The following ZFP30 variants were observed in gnomAD, a reference collection of about 807,000 sequenced individuals.
ZFP30 encodes ZFP30 zinc finger protein, also known as zinc finger protein 30 homolog.
A neutral mutation model predicts 12.3 loss-of-function variants in ZFP30; 16 were observed. That is an observed-to-expected ratio of 1.30 (90% CI 0.88 to 1.98). The LOEUF (loss-of-function observed/expected upper bound fraction) is 1.98. Among genes scored for constraint, ZFP30 ranks in the 30% most tolerant of loss-of-function variants. The pLI, the probability that ZFP30 is intolerant of heterozygous loss-of-function variation, is 0.00. For missense variants in ZFP30, 560 were observed against 611.2 expected, an observed-to-expected ratio of 0.92 and a Z score of 0.88; for synonymous variants, 172 against 201.0, an observed-to-expected ratio of 0.86 and a Z score of 1.22.
intron 2 of ZFP30, among the ~76,000 whole-genome samples, chr19:37,650,869 C>T (rs1300508248): frequency 2.0e-5 from 3 of 152,002 alleles, no homozygotes; most frequent in Non-Finnish European, 2.9e-5. Flanking sequence ...TCCCGAGTAG[C>T]TGGGATTACA....
rs951396776 is a variant in ZFP30, at chr19:37,643,052, CA to C, written c.235+212del. Reference sequence around the variant, plus strand: ...TGGGCGACAGAGCGAGACTCCGTCTCAAAAAAAAAAAAAAAAAAAGAAAAAA... The same window carrying C: ...TGGGCGACAGAGCGAGACTCCGTCTCAAAAAAAAAAAAAAAAAAGAAAAAA... On this transcript the variant is annotated intron_variant, in intron 5 of 5. Transcript: ENST00000684514. Among the ~76,000 whole-genome samples, 613 of 61,410 alleles carry C rather than the reference CA, an allele frequency of 1.0e-2. 2 individuals carry two copies. Among genetic ancestry groups the C allele is most frequent in the East Asian group, 0.061 (106 of 1,742 alleles). The allele number at this position is 61,410 out of a possible 152,430, so 40.3% of individuals were successfully genotyped here.
chr19:37,651,310 C>G (rs553169903), intron 2 of ZFP30: 1 of 151,944 alleles, frequency 6.6e-6, no homozygotes, highest in Admixed American at 6.6e-5. Context: ...GGCACAGTGG[C>G]TCACACCTGT....
At chr19:37,638,648 C>T (rs73621518) in intron 5 of ZFP30, among the ~76,000 whole-genome samples, 1 of 152,158 alleles carries the variant, frequency 6.6e-6, no homozygotes, top group East Asian at 1.9e-4. Flanking sequence ...TACTATACAA[C>T]AACAAGAATT....
intron 5 of ZFP30, among the ~76,000 whole-genome samples, chr19:37,636,584 T>A (rs1011251857): frequency 1.3e-5 from 2 of 152,172 alleles, no homozygotes; most frequent in South Asian, 4.1e-4. Context: ...ACAGAGCAAA[T>A]ACTTTATCAG....
At position 37,642,031 on chromosome 19, in the gene ZFP30, G is replaced by A. The variant is rs529989282; in HGVS notation, c.235+1234C>T. On this transcript the variant is annotated intron_variant, in intron 5 of 5. Coordinates refer to ENST00000684514, the MANE Select transcript of ZFP30 (RefSeq NM_001320669.3). ...TTGTTGGCAAAGTTACCTCATAGGT[G>A]ATATCGTGCTCTTTCATTAGGAGAA... Among the ~76,000 whole-genome samples, 8 of 152,304 alleles carry A rather than the reference G, an allele frequency of 5.3e-5. No homozygotes were observed. The East Asian group carries it at 1.5e-3, about 29-fold the overall frequency.
chr19:37,647,440 T>A (rs538711231), intron 3 of ZFP30, among the ~76,000 whole-genome samples: 2 of 152,028 alleles, frequency 1.3e-5, no homozygotes, highest in East Asian at 3.9e-4. Flanking sequence ...TTATAAGGGG[T>A]TTCCTCTTTC....
At chr19:37,652,890 G>T (rs1420830073) in intron 2 of ZFP30, among the ~76,000 whole-genome samples, 2 of 152,216 alleles carry the variant, frequency 1.3e-5, no homozygotes, top group Non-Finnish European at 2.9e-5. Context: ...GGCCGAGGCA[G>T]GTGGATCACT....
At chr19:37,654,548 G>A (rs1010657161) in intron 2 of ZFP30, among the ~76,000 whole-genome samples, 164 bp downstream of exon 2, 5 of 151,968 alleles carry the variant, frequency 3.3e-5, no homozygotes, top group Non-Finnish European at 7.3e-5. Context: ...AGCATGAAGT[G>A]GGCACTAACA....
At chr19:37,643,791 T>A (rs1222740049) in intron 4 of ZFP30, among the ~76,000 whole-genome samples, 3 of 152,160 alleles carry the variant, frequency 2.0e-5, no homozygotes, top group Non-Finnish European at 4.4e-5. Flanking sequence ...ATTTTTTTTT[T>A]AAAGAAAAAT....
At chr19:37,646,768 T>C (rs1448734214) in intron 3 of ZFP30, among the ~76,000 whole-genome samples, 1 of 152,084 alleles carries the variant, frequency 6.6e-6, no homozygotes, top group African/African-American at 2.4e-5. Flanking sequence ...TTTTGCTTTG[T>C]TTTGTTTTTT....
In ZFP30 at chr19:37,632,894, G is replaced by C. The variant is rs530057102; in HGVS notation, c.*2087C>G. 6.6e-6 allele frequency: 1 copy of C among 152,236 alleles called. No homozygotes were observed. Among genetic ancestry groups the C allele is most frequent in the African/African-American group, 2.4e-5 (1 of 41,436 alleles). The allele number at this position is 152,236 out of a possible 1,614,324, so 9.4% of individuals were successfully genotyped here. A position where few individuals can be genotyped will look rare whatever the true frequency, so the allele number is the denominator to read the frequency against. On this transcript the variant is annotated 3_prime_UTR_variant, in exon 6 of 6. Transcript: ENST00000684514. ...TCTTTAAACATATGAAGTGAGAGTC[G>C]GGCATGGTGGCTCACGCCTGTAATC...
chr19:37,638,727 A>G (rs891057779), intron 5 of ZFP30, among the ~76,000 whole-genome samples: 3 of 152,246 alleles, frequency 2.0e-5, no homozygotes, highest in Non-Finnish European at 2.9e-5. Context: ...AAAACTAGAC[A>G]TACAACAATC....
At chr19:37,652,192 C>T (rs1261559288) in intron 2 of ZFP30, among the ~76,000 whole-genome samples, 1 of 152,156 alleles carries the variant, frequency 6.6e-6, no homozygotes, top group African/African-American at 2.4e-5. Context: ...TCCACAAGAG[C>T]ACTGAATTCC....
chr19:37,636,320 G>T lies in ZFP30; in HGVS notation c.236-15C>A. The T allele has an allele frequency of 1.3e-6, 2 of 1,527,010 alleles. No individual in the cohort carries two copies. The highest frequency in any genetic ancestry group is 2.6e-5 in the South Asian group (2 of 77,256). 94.6% of individuals were successfully genotyped at this position (1,527,010 alleles called of 1,614,324 possible). ...GGATTCCAAATCTGAAAGAAAACAA[G>T]ACCAAAACATATTTTCCTGTTCTAC... On this transcript the variant is annotated splice_polypyrimidine_tract_variant and intron_variant, in intron 5 of 5. Coordinates refer to ENST00000684514, the MANE Select transcript of ZFP30 (RefSeq NM_001320669.3).
intron 3 of ZFP30, among the ~76,000 whole-genome samples, chr19:37,646,741 AGTTTT>A (rs137898254): frequency 0.026 from 3,922 of 152,024 alleles, 173 homozygotes; most frequent in African/African-American, 0.089. Flanking sequence ...ACATCTGGCC[AGTTTT>A]GTTTTGTTTT....
intron 2 of ZFP30, among the ~76,000 whole-genome samples, chr19:37,649,152 G>C (rs2044599978): frequency 6.6e-6 from 1 of 151,436 alleles, no homozygotes; most frequent in Admixed American, 6.6e-5. Flanking sequence ...GGCTGAGGCA[G>C]GAGAATTGCT....
Position 37,643,334 on chromosome 19 carries a change from T to A in ZFP30, c.166A>T (p.Ile56Phe). ...AGCSISKPDVITLLEQGKEPW... is the reference protein window; with the variant it reads ...AGCSISKPDVFTLLEQGKEPW... ...TCTTTCCCTTGTTCCAATAGGGTGA[T>A]CACATCTGGCTTAGAAATAGAACAT... The change falls in exon 5 of 6, where the codon ATC becomes TTC. Residue 56 changes from isoleucine to phenylalanine, a missense_variant. Transcript: ENST00000684514. 6.2e-7 allele frequency: 1 copy of A among 1,607,266 alleles called. No homozygotes were observed. Among genetic ancestry groups the A allele is most frequent in the Non-Finnish European group, 8.5e-7 (1 of 1,177,090 alleles).
chr19:37,638,762 A>G (rs1354924935), intron 5 of ZFP30, among the ~76,000 whole-genome samples: 1 of 152,204 alleles, frequency 6.6e-6, no homozygotes, highest in Admixed American at 6.5e-5. Flanking sequence ...CCATTTTTAT[A>G]AAGTTAAAAA....
At chr19:37,649,820 T>C (rs557113272) in intron 2 of ZFP30, among the ~76,000 whole-genome samples, 30 of 132,330 alleles carry the variant, frequency 2.3e-4, no homozygotes, top group Non-Finnish European at 4.8e-4. Context: ...TGATACCCCG[T>C]CTTAAAAAAA....
Sources: allele counts gnomAD v4.1 joint callset (sites outside exome capture counted in the v4.1 genomes callset), GRCh38; gene constraint gnomAD v4.1.1; transcripts MANE v1.5; gene names NCBI Gene and HGNC (gene_info 2026-07-23, HGNC 2026-07-21).